Variants in IL1RAP observed in about 807,000 individuals in gnomAD.
IL1RAP encodes the protein interleukin-1 receptor accessory protein.
A neutral mutation model predicts 60.7 loss-of-function variants in IL1RAP; 35 were observed. The observed-to-expected ratio is 0.58, with a 90% CI of 0.44 to 0.76. The LOEUF (loss-of-function observed/expected upper bound fraction) is 0.76, where lower values mean the gene tolerates loss of function less well. Among genes scored for constraint, IL1RAP ranks in the 30% least tolerant of loss-of-function variants. The pLI is 0.00. For synonymous variants in IL1RAP, 268 were observed against 250.9 expected (o/e 1.07, Z -0.64); for missense variants, 572 against 693.9 (o/e 0.82, Z 1.97).
chr3:190,554,078 AAAAAAAAAAAG>A (rs1725172594), intron 1 of IL1RAP, among the ~76,000 whole-genome samples: 2 of 150,362 alleles, frequency 1.3e-5, no homozygotes, highest in African/African-American at 4.9e-5. Context: ...AAAAAAAAAA[AAAAAAAAAAAG>A]AAATGAGAGG....
In IL1RAP at chr3:190,649,088, G is replaced by A. The variant is rs940737962; in HGVS notation, c.*383G>A. 3 of 990,560 alleles carry A rather than the reference G, an allele frequency of 3.0e-6. No homozygotes were observed. In the African/African-American group the frequency reaches 5.2e-5, roughly 17 times the overall value. 61.4% of individuals were successfully genotyped at this position (990,560 alleles called of 1,614,324 possible). On this transcript the variant is annotated 3_prime_UTR_variant, in exon 12 of 12. Transcript: ENST00000447382. ...TTTAAAATAAGTCACTGTTGACAGG[G>A]TCATGAGTTTCCGAGTATAGTTTTC...
chr3:190,615,651 C>T (rs1731203337), intron 5 of IL1RAP, among the ~76,000 whole-genome samples: 1 of 152,114 alleles, frequency 6.6e-6, no homozygotes, highest in Non-Finnish European at 1.5e-5. Flanking sequence ...TGTAACTTTC[C>T]ACAAAGCTAG....
chr3:190,557,009 A>T (rs1329928073), intron 2 of IL1RAP, among the ~76,000 whole-genome samples: 1 of 152,192 alleles, frequency 6.6e-6, no homozygotes, highest in Non-Finnish European at 1.5e-5. Context: ...ATACTTAATC[A>T]TCAAATTGTC....
At chr3:190,553,029 G>C (rs553179764) in intron 1 of IL1RAP, among the ~76,000 whole-genome samples, 8 of 152,252 alleles carry the variant, frequency 5.3e-5, no homozygotes, top group African/African-American at 1.9e-4. Context: ...TTTGTGGAGG[G>C]GAAGGGAATC....
intron 3 of IL1RAP, among the ~76,000 whole-genome samples, chr3:190,581,187 T>C (rs536496890): frequency 6.6e-6 from 1 of 152,278 alleles, no homozygotes; most frequent in East Asian, 1.9e-4. Context: ...TAATTCACAG[T>C]GTATAAGGCA....
At chr3:190,534,355 T>A (rs1723248990) in intron 1 of IL1RAP, among the ~76,000 whole-genome samples, 2 of 152,160 alleles carry the variant, frequency 1.3e-5, no homozygotes, top group Non-Finnish European at 2.9e-5. Context: ...CTAGGAAGTT[T>A]CATTCCTTGT....
chr3:190,538,727 C>T (rs1308549432), intron 1 of IL1RAP, among the ~76,000 whole-genome samples: 1 of 152,062 alleles, frequency 6.6e-6, no homozygotes, highest in African/African-American at 2.4e-5. Flanking sequence ...TTGTAGTTCC[C>T]ATAATCCCTA....
At chr3:190,519,995 T>C (rs796367610) in intron 1 of IL1RAP, among the ~76,000 whole-genome samples, 17 of 152,316 alleles carry the variant, frequency 1.1e-4, no homozygotes, top group African/African-American at 4.1e-4. Flanking sequence ...ACTTGGTAAA[T>C]ATTCATTCCT....
downstream of IL1RAP, chr3:190,655,778 T>TA: frequency 1.3e-6 from 1 of 762,774 alleles, no homozygotes; most frequent in Non-Finnish European, 2.1e-6. Flanking sequence ...ACTGAGATTC[T>TA]GTCATCTCAA....
intron 2 of IL1RAP, among the ~76,000 whole-genome samples, chr3:190,558,753 G>A (rs1309327903): frequency 6.6e-6 from 1 of 152,036 alleles, no homozygotes; most frequent in Non-Finnish European, 1.5e-5. Flanking sequence ...AAATCTTTCT[G>A]GGATTTTGAT....
intron 3 of IL1RAP, among the ~76,000 whole-genome samples, chr3:190,589,038 C>T (rs139335452): frequency 6.6e-6 from 1 of 152,336 alleles, no homozygotes; most frequent in East Asian, 1.9e-4. Context: ...CCTAGCCCCT[C>T]TGGTGTCAGA....
At position 190,626,664 on chromosome 3, in the gene IL1RAP, C is replaced by CTTT. The variant is rs766018376; in HGVS notation, c.776-638_776-636dup. Among the ~76,000 whole-genome samples the CTTT allele has an allele frequency of 3.4e-3, 335 of 99,962 alleles. 4 individuals carry two copies. The highest frequency in any genetic ancestry group is 0.012 in the African/African-American group (288 of 23,060). The allele number at this position is 99,962 out of a possible 152,430, so 65.6% of individuals were successfully genotyped here. A position where few individuals can be genotyped will look rare whatever the true frequency, so the allele number is the denominator to read the frequency against. On this transcript the variant is annotated intron_variant, in intron 7 of 11. Transcript: ENST00000447382. ...GGCTAAAAAGAATATTGTCAGAGAC[C>CTTT]TTTTTTTTTTTTTTTTTTTTTTTGG...
chr3:190,515,511 A>G (rs4140708), intron 1 of IL1RAP, among the ~76,000 whole-genome samples: 61,457 of 151,478 alleles, frequency 0.41, 14,972 homozygotes, highest in African/African-American at 0.69. Flanking sequence ...AATTTGAGCA[A>G]CTCTTTTATA....
intron 3 of IL1RAP, among the ~76,000 whole-genome samples, chr3:190,575,865 A>G (rs1727398843): frequency 6.6e-6 from 1 of 152,252 alleles, no homozygotes; most frequent in Admixed American, 6.5e-5. Context: ...GCAGCTAGAA[A>G]TGCTGCATTT....
intron 1 of IL1RAP, among the ~76,000 whole-genome samples, chr3:190,537,371 G>T (rs1577533195): frequency 6.6e-6 from 1 of 152,230 alleles, no homozygotes; most frequent in South Asian, 2.1e-4. Context: ...GCAGGCAGCT[G>T]TACGAAAACC....
chr3:190,615,724 G>GTGAAATTAATCGGAAT lies in IL1RAP; in HGVS notation c.538-4549_538-4548insAAATTAATCGGAATTG, dbSNP rs11273559. On this transcript the variant is annotated intron_variant, in intron 5 of 11. Transcript: ENST00000447382. ...ATTACCTCCACTTTTCATTTTTATT[G>GTGAAATTAATCGGAAT]TGGTCAAGCATTTTTTATAACTATC... Among the ~76,000 whole-genome samples the GTGAAATTAATCGGAAT allele has an allele frequency of 7.2e-3, 1,099 of 152,030 alleles. 9 individuals are homozygous for GTGAAATTAATCGGAAT. Among genetic ancestry groups the GTGAAATTAATCGGAAT allele is most frequent in the Non-Finnish European group, 0.012 (797 of 67,952 alleles).
At chr3:190,525,321 A>G (rs1466093775) in intron 1 of IL1RAP, among the ~76,000 whole-genome samples, 1 of 152,226 alleles carries the variant, frequency 6.6e-6, no homozygotes, top group Non-Finnish European at 1.5e-5. Flanking sequence ...TTGAACTAAG[A>G]CAAAAGCCTG....
chr3:190,654,190 TCACA>T (rs57074064), downstream of IL1RAP, among the ~76,000 whole-genome samples: 1,476 of 140,494 alleles, frequency 0.011, 25 homozygotes, highest in African/African-American at 0.036. Context: ...AAACATCATA[TCACA>T]CACACACACA....
intron 3 of IL1RAP, among the ~76,000 whole-genome samples, chr3:190,584,325 G>A (rs1047130444): frequency 1.3e-5 from 2 of 152,200 alleles, no homozygotes; most frequent in Admixed American, 6.5e-5. Flanking sequence ...TAAGGCTGCT[G>A]TAAACGTCTA....
Sources: gnomAD v4.1 joint callset for allele counts (sites outside exome capture counted in the v4.1 genomes callset) on GRCh38, gnomAD v4.1.1 for gene constraint, MANE v1.5 for transcripts, NCBI Gene and HGNC (gene_info 2026-07-23, HGNC 2026-07-21) for gene names.